TGIF1: variants seen among roughly 807,000 people sequenced by gnomAD.
TGIF1 encodes the protein homeobox protein TGIF1.
Under a neutral mutation model 19.3 loss-of-function variants are expected in TGIF1, and 4 were observed. The observed-to-expected ratio is 0.21, with a 90% confidence interval of 0.10 to 0.47. TGIF1 has a LOEUF of 0.47. Ranked by LOEUF, TGIF1 falls within the 20% of genes least tolerant of loss-of-function variation. The pLI is 0.98. For missense variants in TGIF1, 275 were observed against 341.4 expected (o/e 0.81, Z 1.53); for synonymous variants, 122 against 129.3 (o/e 0.94, Z 0.38).
intron 1 of TGIF1, chr18:3,452,227 C>A (rs1406895358): frequency 6.2e-7 from 1 of 1,608,854 alleles, no homozygotes; most frequent in African/African-American, 1.3e-5. Flanking sequence ...GCCCCCCCTC[C>A]TCCACCGGCG....
chr18:3,448,780 C>T (rs1332386338), upstream of TGIF1, among the ~76,000 whole-genome samples: 2 of 141,764 alleles, frequency 1.4e-5, no homozygotes, highest in Admixed American at 7.0e-5. Flanking sequence ...GAAACAGACG[C>T]TCCGAAGTCG....
intron 1 of TGIF1, among the ~76,000 whole-genome samples, chr18:3,454,852 T>A (rs1157880700): frequency 6.6e-6 from 1 of 152,174 alleles, no homozygotes; most frequent in Non-Finnish European, 1.5e-5. Context: ...CTGCCTTTTG[T>A]AGGAATACCC....
At chr18:3,418,189 A>C (rs952787305) in exon 2 of TGIF1, 3 of 152,208 alleles carry the variant, frequency 2.0e-5, no homozygotes, top group Non-Finnish European at 4.4e-5. Context: ...CTCCACTTCC[A>C]CATTCCAGCC....
At chr18:3,420,518 C>T (rs533442677) in intron 2 of TGIF1, among the ~76,000 whole-genome samples, 3 of 152,284 alleles carry the variant, frequency 2.0e-5, no homozygotes, top group South Asian at 2.1e-4. Flanking sequence ...TCAATGATCA[C>T]TTTAAATGTG....
At chr18:3,453,269 G>T (rs1423924508) in intron 1 of TGIF1, among the ~76,000 whole-genome samples, 1 of 152,106 alleles carries the variant, frequency 6.6e-6, no homozygotes, top group African/African-American at 2.4e-5. Context: ...GAAACTTGTT[G>T]AGTTAAATTT....
In TGIF1 at chr18:3,457,046, G is replaced by C. The variant is rs2143412998; in HGVS notation, c.244-319G>C. Reference sequence around the variant, plus strand: ...AGTAGGTGATAGGTTAAAATGGGGAGAGTTAAAAAGTAAACCTCTCTCTCA... The same window carrying C: ...AGTAGGTGATAGGTTAAAATGGGGACAGTTAAAAAGTAAACCTCTCTCTCA... On this transcript the variant is annotated intron_variant, in intron 2 of 2. Transcript: ENST00000343820. This position sits in a 1 kb window ranked among gnomAD's most constrained non-coding sequence, Gnocchi z 4.9. 1 of 553,734 alleles carries C rather than the reference G, an allele frequency of 1.8e-6. No individual in the cohort carries two copies. Among genetic ancestry groups the C allele is most frequent in the East Asian group, 3.1e-5 (1 of 31,968 alleles). 34.3% of individuals were successfully genotyped at this position (553,734 alleles called of 1,614,324 possible).
upstream of TGIF1, chr18:3,447,876 T>G: frequency 6.4e-7 from 1 of 1,574,344 alleles, no homozygotes; most frequent in South Asian, 1.1e-5. Flanking sequence ...CCCCTTCTCC[T>G]GGAAAGTTTG....
intron 2 of TGIF1, among the ~76,000 whole-genome samples, chr18:3,427,602 CTTT>C (rs60164860): frequency 3.6e-5 from 5 of 137,354 alleles, no homozygotes; most frequent in African/African-American, 2.7e-5. Context: ...AGAATATATT[CTTT>C]TTTTTTTTTT....
At chr18:3,430,264 C>T (rs1315921513) in intron 2 of TGIF1, among the ~76,000 whole-genome samples, 2 of 152,124 alleles carry the variant, frequency 1.3e-5, no homozygotes, top group African/African-American at 4.8e-5. Flanking sequence ...CAAGAGATTA[C>T]TAGAGGAATC....
intron 2 of TGIF1, among the ~76,000 whole-genome samples, chr18:3,427,699 A>T (rs1282072689): frequency 6.6e-6 from 1 of 150,494 alleles, no homozygotes; most frequent in Non-Finnish European, 1.5e-5. Context: ...TCCCGGGTTC[A>T]AGCAATTCTC....
At chr18:3,414,578 C>T (rs2082307555) in intron 1 of TGIF1, among the ~76,000 whole-genome samples, 1 of 152,186 alleles carries the variant, frequency 6.6e-6, no homozygotes, top group Non-Finnish European at 1.5e-5. Context: ...TCCCTTGGCT[C>T]TACCCAGTGA....
chr18:3,434,072 C>T (rs542206184), intron 2 of TGIF1, among the ~76,000 whole-genome samples: 18 of 152,226 alleles, frequency 1.2e-4, no homozygotes, highest in Non-Finnish European at 2.4e-4. Flanking sequence ...TCTTGCCAGT[C>T]GAAGTGAGAA....
upstream of TGIF1, chr18:3,447,690 G>A: frequency 6.2e-7 from 1 of 1,608,306 alleles, no homozygotes; most frequent in South Asian, 1.1e-5. Flanking sequence ...ACAGAATTGT[G>A]CCAGTGTTTC....
Position 3,450,290 on chromosome 18 carries a change from G to A in TGIF1, c.-200G>A. The A allele has an allele frequency of 6.9e-7, 1 of 1,439,318 alleles. No individual in the cohort carries two copies. Among genetic ancestry groups the A allele is most frequent in the Non-Finnish European group, 9.1e-7 (1 of 1,098,414 alleles). 89.2% of individuals were successfully genotyped at this position (1,439,318 alleles called of 1,614,324 possible). ...GGCTGCCAGAAGATCCCGGCGGGAG[G>A]AAGCCCAAGTGTCACTTGAATTCCA... On this transcript the variant is annotated 5_prime_UTR_variant, in exon 1 of 3. Transcript: ENST00000343820.
chr18:3,416,519 AAAAC>A (rs1170148932), intron 1 of TGIF1, among the ~76,000 whole-genome samples: 1 of 152,002 alleles, frequency 6.6e-6, no homozygotes, highest in Non-Finnish European at 1.5e-5. Flanking sequence ...CTGTCTCAAA[AAAAC>A]AAAGAAAAGC....
chr18:3,450,586 C>T (rs2143308262), intron 1 of TGIF1, 81 bp downstream of exon 1: 1 of 1,547,954 alleles, frequency 6.5e-7, no homozygotes. Flanking sequence ...CGCGGAGTCA[C>T]TTGGTGGACT....
intron 2 of TGIF1, among the ~76,000 whole-genome samples, chr18:3,440,155 A>C (rs2082664285): frequency 6.6e-6 from 1 of 152,174 alleles, no homozygotes; most frequent in Admixed American, 6.5e-5. Flanking sequence ...GTTTGAGACC[A>C]GGCTGGCCAA....
rs1304447326 is a variant in TGIF1 at position 3,422,699 on chromosome 18, T to G, written c.-45+4484T>G. 3.5e-5 allele frequency among the ~76,000 whole-genome samples: 5 copies of G among 142,336 alleles called. 1 individual carries two copies. The highest frequency in any genetic ancestry group is 1.4e-4 in the Admixed American group (2 of 14,096). The allele number at this position is 142,336 out of a possible 152,430, so 93.4% of individuals were successfully genotyped here. A position where few individuals can be genotyped will look rare whatever the true frequency, so the allele number is the denominator to read the frequency against. On this transcript the variant is annotated intron_variant, in intron 2 of 3. Transcript: ENST00000401449. ...TTTTTTTTTTTTTTTTTTTTTTTTT[T>G]TTTTTTTTTGAGACAGAGTCTGGCT...
chr18:3,423,063 G>A (rs1412173003), intron 2 of TGIF1, among the ~76,000 whole-genome samples: 2 of 151,992 alleles, frequency 1.3e-5, no homozygotes, highest in African/African-American at 4.8e-5. Flanking sequence ...CCATTGTGTT[G>A]CAATCACCTG....
Sources: gnomAD v4.1 joint callset for allele counts (sites outside exome capture counted in the v4.1 genomes callset) on GRCh38, gnomAD v4.1.1 for gene constraint, Gnocchi (gnomAD v3.1) non-coding constraint, MANE v1.5 for transcripts, NCBI Gene and HGNC (gene_info 2026-07-23, HGNC 2026-07-21) for gene names.